The following COG5 variants were observed in gnomAD, a reference collection of about 807,000 sequenced individuals.
The protein encoded by COG5 is conserved oligomeric Golgi complex subunit 5.
COG5 carries 86 observed loss-of-function variants against 110.4 expected under a neutral mutation model. That is an observed-to-expected ratio of 0.78 (90% CI 0.65 to 0.93). The LOEUF is 0.93. Ranked by LOEUF, COG5 falls within the 40% of genes least tolerant of loss-of-function variation. COG5 has a pLI of 0.00. For missense variants in COG5, 1,077 were observed against 987.0 expected (o/e 1.09, Z -1.22); for synonymous variants, 360 against 334.6 (o/e 1.08, Z -0.83).
intron 17 of COG5, among the ~76,000 whole-genome samples, chr7:107,241,645 G>T (rs1011076621): frequency 4.6e-5 from 7 of 151,742 alleles, no homozygotes; most frequent in African/African-American, 9.7e-5. Flanking sequence ...GTAGAGACGG[G>T]GTTTCACCGT....
intron 6 of COG5, among the ~76,000 whole-genome samples, chr7:107,507,302 T>C (rs943182511): frequency 2.7e-5 from 4 of 150,108 alleles, no homozygotes; most frequent in Admixed American, 2.0e-4. Context: ...CTTTTCTTTT[T>C]TTTTTTTTTT....
chr7:107,301,080 C>A (rs1212220629), intron 11 of COG5, among the ~76,000 whole-genome samples: 1 of 152,088 alleles, frequency 6.6e-6, no homozygotes, highest in Admixed American at 6.6e-5. Flanking sequence ...GATACTGTAA[C>A]AATTGAATAG....
At chr7:107,554,264 T>C (rs1803133005) in intron 3 of COG5, 21 bp downstream of exon 3, 1 of 1,607,720 alleles carries the variant, frequency 6.2e-7, no homozygotes, top group African/African-American at 1.3e-5. Context: ...ACATAATCTC[T>C]AGCAGTTATT....
intron 6 of COG5, among the ~76,000 whole-genome samples, chr7:107,437,135 T>C (rs1466764357): frequency 2.0e-5 from 3 of 152,168 alleles, no homozygotes; most frequent in Non-Finnish European, 1.5e-5. Context: ...CTCTCTGAAT[T>C]AGTATGAGTT....
intron 10 of COG5, among the ~76,000 whole-genome samples, chr7:107,360,066 T>C (rs941933341): frequency 6.7e-6 from 1 of 149,098 alleles, no homozygotes; most frequent in Admixed American, 6.7e-5. Context: ...CCCGCAGGTA[T>C]AAGCTAACCA....
intron 17 of COG5, among the ~76,000 whole-genome samples, chr7:107,240,645 T>G (rs950633595): frequency 6.6e-6 from 1 of 151,794 alleles, no homozygotes; most frequent in Non-Finnish European, 1.5e-5. Flanking sequence ...TTCACTATTG[T>G]TTTTCTAATT....
intron 6 of COG5, among the ~76,000 whole-genome samples, chr7:107,426,668 T>C (rs551602969): frequency 1.3e-5 from 2 of 152,256 alleles, no homozygotes; most frequent in East Asian, 3.9e-4. Context: ...TTCCTCCTAA[T>C]ATCACCACAT....
chr7:107,382,831 T>C (rs1403459389), intron 7 of COG5, among the ~76,000 whole-genome samples: 1 of 152,234 alleles, frequency 6.6e-6, no homozygotes, highest in South Asian at 2.1e-4. Context: ...AAACTCATCA[T>C]ATATTTGTCA....
intron 14 of COG5, among the ~76,000 whole-genome samples, chr7:107,278,228 T>G (rs1270680022): frequency 6.6e-6 from 1 of 152,130 alleles, no homozygotes; most frequent in African/African-American, 2.4e-5. Flanking sequence ...TGATCTGATT[T>G]CCCTTCCTTC....
At chr7:107,522,208 C>T (rs999857973) in intron 6 of COG5, among the ~76,000 whole-genome samples, 1 of 152,176 alleles carries the variant, frequency 6.6e-6, no homozygotes, top group African/African-American at 2.4e-5. Flanking sequence ...GTGGCTCACG[C>T]CTGTAATCCC....
intron 10 of COG5, among the ~76,000 whole-genome samples, chr7:107,326,671 T>C (rs1395731090): frequency 6.6e-6 from 1 of 152,182 alleles, no homozygotes. Context: ...ATGGAAAGCA[T>C]ACTGTGTTAT....
rs1056277387 is a variant in COG5 at position 107,201,578 on chromosome 7, A to C, written c.*1938T>G. Reference sequence around the variant, plus strand: ...CATTGAGTCTTGAAATGATTTAATAATATGAGTGAGGATTTGCTTTCTCCA... The same window carrying C: ...CATTGAGTCTTGAAATGATTTAATACTATGAGTGAGGATTTGCTTTCTCCA... On this transcript the variant is annotated 3_prime_UTR_variant, in exon 22 of 22. Coordinates refer to ENST00000297135, the MANE Select transcript of COG5 (RefSeq NM_006348.5). 2.1e-6 allele frequency: 1 copy of C among 467,710 alleles called. No individual in the cohort carries two copies. The highest frequency in any genetic ancestry group is 3.9e-6 in the Non-Finnish European group (1 of 254,210). 29.0% of individuals were successfully genotyped at this position (467,710 alleles called of 1,614,324 possible).
chr7:107,546,435 G>GTTTTTTTGT (rs1554461428), intron 5 of COG5, among the ~76,000 whole-genome samples: 2 of 119,520 alleles, frequency 1.7e-5, no homozygotes, highest in East Asian at 5.1e-4. Flanking sequence ...TTGGTTTTTT[G>GTTTTTTTGT]TTTTTTTTTT....
At chr7:107,523,521 A>G (rs1316796067) in intron 6 of COG5, among the ~76,000 whole-genome samples, 1 of 152,106 alleles carries the variant, frequency 6.6e-6, no homozygotes, top group Non-Finnish European at 1.5e-5. Context: ...TACTGGTAAG[A>G]ATGTAAACAT....
chr7:107,536,353 T>C (rs1801582284), intron 5 of COG5, among the ~76,000 whole-genome samples: 1 of 152,178 alleles, frequency 6.6e-6, no homozygotes, highest in Non-Finnish European at 1.5e-5. Context: ...GATGACATGA[T>C]TGTATATATA....
chr7:107,460,741 T>C (rs7792885), intron 6 of COG5, among the ~76,000 whole-genome samples: 2,511 of 152,058 alleles, frequency 0.017, 75 homozygotes, highest in African/African-American at 0.055. Context: ...AAAAAGATGA[T>C]AGAAATTGTC....
chr7:107,205,952 CTGTT>C (rs970690898), intron 21 of COG5, among the ~76,000 whole-genome samples: 10 of 146,136 alleles, frequency 6.8e-5, no homozygotes, highest in African/African-American at 2.5e-4. Context: ...AGAAGTGTAG[CTGTT>C]TTTTTTTTTT....
intron 5 of COG5, among the ~76,000 whole-genome samples, chr7:107,542,727 T>C (rs538161770): frequency 2.6e-5 from 4 of 152,196 alleles, no homozygotes; most frequent in Admixed American, 2.6e-4. Flanking sequence ...CCCAGCACTT[T>C]GGGAGGCCGA....
At chr7:107,208,943 C>A (rs933679642) in intron 21 of COG5, 1 of 984,368 alleles carries the variant, frequency 1.0e-6, no homozygotes, top group African/African-American at 1.7e-5. Flanking sequence ...TGGCTGCACC[C>A]TGGACCTTCT....
Sources: allele counts gnomAD v4.1 joint callset (sites outside exome capture counted in the v4.1 genomes callset), GRCh38; gene constraint gnomAD v4.1.1; transcripts MANE v1.5; gene names NCBI Gene and HGNC (gene_info 2026-07-23, HGNC 2026-07-21).